The following KIAA1755 variants were observed in gnomAD, a reference collection of about 807,000 sequenced individuals.
KIAA1755 encodes the protein KIAA1755.
Under a neutral mutation model 91.7 loss-of-function variants are expected in KIAA1755, and 68 were observed. The observed-to-expected ratio is 0.74, with a 90% confidence interval of 0.61 to 0.91. The LOEUF is 0.91. KIAA1755 is among the 40% of genes least tolerant of loss of function. The pLI is 0.00. For synonymous variants in KIAA1755, 610 were observed against 604.6 expected (o/e 1.01, Z -0.13); for missense variants, 1,535 against 1,494.4 (o/e 1.03, Z -0.45).
At chr20:38,253,603 C>A (rs951830263) in intron 1 of KIAA1755, among the ~76,000 whole-genome samples, 6 of 152,054 alleles carry the variant, frequency 3.9e-5, no homozygotes, top group African/African-American at 7.2e-5. Context: ...ATGAATAAAA[C>A]CATGTAAGCC....
In KIAA1755 at chr20:38,241,695, T is replaced by C; in HGVS notation, c.436A>G (p.Thr146Ala). ...VPEPAYPILF[T>A]QEWLEAINSD... ...TTGATGGCCTCCAGCCATTCTTGGGTGAAAAGTATAGGGTAGGCTGGCTCT... is the reference window on the plus strand; with the variant it reads ...TTGATGGCCTCCAGCCATTCTTGGGCGAAAAGTATAGGGTAGGCTGGCTCT... The change falls in exon 3 of 14, where the codon ACC becomes GCC. Residue 146 changes from threonine (T) to alanine (A), a missense_variant. Physicochemically the swap from Thr to Ala is moderately conservative, Grantham distance 58. Transcript: ENST00000279024. The C allele has an allele frequency of 6.2e-7, 1 of 1,614,162 alleles. No individual in the cohort carries two copies. Among genetic ancestry groups the C allele is most frequent in the Non-Finnish European group, 8.5e-7 (1 of 1,180,036 alleles).
chr20:38,245,730 A>G (rs2076146397), intron 2 of KIAA1755, among the ~76,000 whole-genome samples, 199 bp downstream of exon 2: 1 of 152,140 alleles, frequency 6.6e-6, no homozygotes, highest in Non-Finnish European at 1.5e-5. Flanking sequence ...GAACTCATAG[A>G]TGTCACAAGG....
intron 8 of KIAA1755, 29 bp downstream of exon 8, chr20:38,225,636 C>A (rs764827747): frequency 4.4e-6 from 6 of 1,352,564 alleles, no homozygotes; most frequent in South Asian, 3.5e-5. Flanking sequence ...GAGTGGGGGT[C>A]AGGGGCTAAA....
At chr20:38,230,442 G>A (rs2075839284) in intron 5 of KIAA1755, among the ~76,000 whole-genome samples, 1 of 152,158 alleles carries the variant, frequency 6.6e-6, no homozygotes, top group Non-Finnish European at 1.5e-5. Flanking sequence ...TTAAAGTGTA[G>A]TCCCAGGCCC....
At position 38,260,602 on chromosome 20, in the gene KIAA1755, G is replaced by GC; in HGVS notation, c.-103dup. 1 of 1,411,486 alleles carries GC rather than the reference G, an allele frequency of 7.1e-7. No homozygotes were observed. The highest frequency in any genetic ancestry group is 9.3e-7 in the Non-Finnish European group (1 of 1,076,410). The allele number at this position is 1,411,486 out of a possible 1,614,324, so 87.4% of individuals were successfully genotyped here. A position where few individuals can be genotyped will look rare whatever the true frequency, so the allele number is the denominator to read the frequency against. On this transcript the variant is annotated 5_prime_UTR_variant, in exon 1 of 14. The change abolishes the stop of an existing upstream ORF in the 5' untranslated region. Transcript: ENST00000279024. Reference sequence around the variant, plus strand: ...CTGGGGCAGCCCTCGGTCCCGCCTAGCCCTGGAGCCAGGGGATAGGGCAGG... The same window carrying GC: ...CTGGGGCAGCCCTCGGTCCCGCCTAGCCCCTGGAGCCAGGGGATAGGGCAGG...
intron 2 of KIAA1755, among the ~76,000 whole-genome samples, chr20:38,242,299 C>T (rs764982476): frequency 3.9e-5 from 6 of 152,162 alleles, no homozygotes; most frequent in African/African-American, 9.7e-5. Context: ...GCCAGGGAGA[C>T]GTGGTTTAGA....
chr20:38,241,396 A>G lies in KIAA1755; in HGVS notation c.735T>C (p.Tyr245=), dbSNP rs1000333984. The G allele has an allele frequency of 2.5e-6, 4 of 1,614,162 alleles. No homozygotes were observed. Among genetic ancestry groups the G allele is most frequent in the Non-Finnish European group, 3.4e-6 (4 of 1,180,030 alleles). ...KGKGRTYGSK[Y]PGLIKVEQAR... Reference sequence around the variant, plus strand: ...CTTGCTCCACCTTGATGAGTCCTGGATACTTGCTCCCATATGTCCTGCCCT... The same window carrying G: ...CTTGCTCCACCTTGATGAGTCCTGGGTACTTGCTCCCATATGTCCTGCCCT... Residue 245 remains tyrosine, a synonymous_variant, in exon 3 of 14, where the codon TAT becomes TAC. Coordinates refer to ENST00000279024, the MANE Select transcript of KIAA1755 (RefSeq NM_001029864.2).
chr20:38,252,477 G>A lies in KIAA1755; in HGVS notation c.4-6351C>T, dbSNP rs561043855. Among the ~76,000 whole-genome samples, 4 of 152,268 alleles carry A rather than the reference G, an allele frequency of 2.6e-5. No individual in the cohort carries two copies. In the East Asian group the frequency reaches 7.7e-4, roughly 29 times the overall value. On this transcript the variant is annotated intron_variant, in intron 1 of 13. Transcript: ENST00000279024. The stretch of plus-strand genomic sequence containing the variant: ...CCCGTTTTGCAAGTCAAGAAACCGA[G>A]GCTGATCTTGCCCAAGACCGCACAG...
chr20:38,228,010 T>C, intron 6 of KIAA1755, 137 bp downstream of exon 6: 3 of 543,576 alleles, frequency 5.5e-6, no homozygotes, highest in Non-Finnish European at 9.2e-6. Context: ...AGGGCTGAGT[T>C]TTCTGTTGGC....
chr20:38,231,284 T>A lies in KIAA1755; in HGVS notation c.1789A>T (p.Thr597Ser). Residue 597 changes from threonine (T) to serine (S), a missense_variant, in exon 5 of 14, where the codon ACT (threonine) becomes TCT (serine). Thr to Ser is a moderately conservative substitution (Grantham distance 58). Transcript: ENST00000279024. ...RAGRPLLLVS[T>S]TEGAWEAPWC... is the part of the protein sequence containing the mutation. ...GGTGCCTCCCAGGCCCCCTCTGTAG[T>A]TGACACCAGAAGCAGGGGCCGCCCG... 6.2e-7 allele frequency: 1 copy of A among 1,612,500 alleles called. No homozygotes were observed. Among genetic ancestry groups the A allele is most frequent in the Non-Finnish European group, 8.5e-7 (1 of 1,179,676 alleles).
intron 8 of KIAA1755, 30 bp downstream of exon 8, chr20:38,225,635 T>A (rs1278068680): frequency 7.5e-7 from 1 of 1,339,708 alleles, no homozygotes; most frequent in Admixed American, 1.7e-5. Flanking sequence ...GGAGTGGGGG[T>A]CAGGGGCTAA....
Position 38,228,237 on chromosome 20 carries a change from AG to A in KIAA1755, c.1874del (p.Pro625LeufsTer11). On this transcript the variant is annotated frameshift_variant and splice_region_variant, in exon 6 of 14. Transcript: ENST00000279024. LOFTEE classifies it high-confidence loss of function. ...CCGCCAGCCCCTTGGCTTTATCTTC[AG>A]GCCTGTGGGTGGTAAACAGAATTGA... ...LLSYLCTIPR[P>X]EDKAKGLAVL... 1 of 1,597,180 alleles carries A rather than the reference AG, an allele frequency of 6.3e-7. No individual in the cohort carries two copies. Among genetic ancestry groups the A allele is most frequent in the African/African-American group, 1.3e-5 (1 of 74,614 alleles).
intron 2 of KIAA1755, 51 bp downstream of exon 2, chr20:38,245,878 A>T: frequency 1.3e-6 from 2 of 1,580,122 alleles, no homozygotes; most frequent in South Asian, 1.1e-5. Context: ...CTCTAGCCCC[A>T]TGACTTTCTG....
chr20:38,231,120 C>G (rs2075853142), intron 5 of KIAA1755, 82 bp downstream of exon 5: 2 of 1,416,448 alleles, frequency 1.4e-6, no homozygotes, highest in Non-Finnish European at 1.9e-6. Flanking sequence ...TATGGTGCCT[C>G]TCCACTCAGT....
chr20:38,237,802 G>A (rs555245955), intron 4 of KIAA1755, among the ~76,000 whole-genome samples: 121 of 151,828 alleles, frequency 8.0e-4, no homozygotes, highest in Admixed American at 2.2e-3. Flanking sequence ...AAAACCCGGC[G>A]GGGAGAAGTT....
chr20:38,234,265 C>G (rs1046940773), intron 4 of KIAA1755, among the ~76,000 whole-genome samples: 3 of 152,198 alleles, frequency 2.0e-5, no homozygotes, highest in African/African-American at 7.2e-5. Flanking sequence ...TCTGTCCTAT[C>G]TCTATCTGGT....
At chr20:38,228,824 C>T (rs775887774) in intron 5 of KIAA1755, among the ~76,000 whole-genome samples, 16 of 152,140 alleles carry the variant, frequency 1.1e-4, no homozygotes, top group Non-Finnish European at 4.4e-5. Flanking sequence ...TGATACATTT[C>T]CTTAACAGAT....
chr20:38,218,540 T>C (rs928369864), intron 11 of KIAA1755, among the ~76,000 whole-genome samples, 174 bp from the exon 12 acceptor site: 25 of 152,176 alleles, frequency 1.6e-4, no homozygotes, highest in Non-Finnish European at 3.1e-4. Flanking sequence ...AAGAAATGAC[T>C]TGGGGAGGGG....
chr20:38,218,732 T>A (rs1362308624), intron 11 of KIAA1755, among the ~76,000 whole-genome samples: 1 of 152,198 alleles, frequency 6.6e-6, no homozygotes, highest in Middle Eastern at 3.4e-3. Context: ...TGTTCGGGTG[T>A]GTGTGTGTGT....
Sources: gnomAD v4.1 joint callset for allele counts (sites outside exome capture counted in the v4.1 genomes callset) on GRCh38, gnomAD v4.1.1 for gene constraint, MANE v1.5 for transcripts, NCBI Gene and HGNC (gene_info 2026-07-23, HGNC 2026-07-21) for gene names.